Variants in CNTN4 observed in about 807,000 individuals in gnomAD.
The protein encoded by CNTN4 is contactin 4.
Under a neutral mutation model 122.5 loss-of-function variants are expected in CNTN4, and 77 were observed. That is an observed-to-expected ratio of 0.63 (90% CI 0.52 to 0.76). The LOEUF is 0.76. CNTN4 is among the 30% of genes least tolerant of loss of function. The pLI, the probability that CNTN4 is intolerant of heterozygous loss-of-function variation, is 0.00. For synonymous variants in CNTN4, 512 were observed against 447.0 expected (o/e 1.15, Z -1.83); for missense variants, 1,256 against 1,259.1 (o/e 1.00, Z 0.04).
At chr3:2,969,672 T>C (rs433520) in intron 13 of CNTN4, among the ~76,000 whole-genome samples, 10,706 of 152,134 alleles carry the variant, frequency 0.07, 1,302 homozygotes, top group African/African-American at 0.25. Flanking sequence ...GCCTTTTATA[T>C]AGCAAGTACT....
At chr3:2,481,037 C>CT (rs1553662983) in intron 3 of CNTN4, among the ~76,000 whole-genome samples, 1 of 133,860 alleles carries the variant, frequency 7.5e-6, no homozygotes, top group Admixed American at 7.3e-5. Context: ...TTTTTCTTTT[C>CT]TTTCTTTCTT....
chr3:2,865,704 C>T (rs2093716705), intron 7 of CNTN4, among the ~76,000 whole-genome samples: 1 of 152,170 alleles, frequency 6.6e-6, no homozygotes, highest in South Asian at 2.1e-4. Context: ...CGTGGAATGC[C>T]TGGAGCTGAA....
chr3:2,111,653 T>C (rs1296896589), intron 2 of CNTN4, among the ~76,000 whole-genome samples: 2 of 152,144 alleles, frequency 1.3e-5, no homozygotes, highest in Non-Finnish European at 2.9e-5. Context: ...TATACAAATA[T>C]ATATTAAAGT....
chr3:2,706,458 A>G (rs1250354163), intron 4 of CNTN4, among the ~76,000 whole-genome samples: 2 of 152,204 alleles, frequency 1.3e-5, no homozygotes, highest in South Asian at 2.1e-4. Flanking sequence ...TAGTATTATA[A>G]TTTGACTCTG....
At chr3:2,705,198 C>G (rs907492156) in intron 4 of CNTN4, among the ~76,000 whole-genome samples, 2 of 150,652 alleles carry the variant, frequency 1.3e-5, no homozygotes, top group African/African-American at 4.9e-5. Context: ...GAAACCCCGT[C>G]TCTACTAAAA....
chr3:2,680,786 A>G (rs1281089910), intron 4 of CNTN4, among the ~76,000 whole-genome samples: 2 of 152,204 alleles, frequency 1.3e-5, no homozygotes, highest in Non-Finnish European at 1.5e-5. Context: ...GTTGGATACC[A>G]GTTTTATACA....
At chr3:2,386,992 A>G (rs1044850444) in intron 3 of CNTN4, among the ~76,000 whole-genome samples, 2 of 152,196 alleles carry the variant, frequency 1.3e-5, no homozygotes, top group South Asian at 4.1e-4. Context: ...TACTTCAGGA[A>G]GACTACCTAA....
intron 4 of CNTN4, among the ~76,000 whole-genome samples, chr3:2,574,005 T>C (rs2079544159): frequency 6.6e-6 from 1 of 151,962 alleles, no homozygotes; most frequent in Non-Finnish European, 1.5e-5. Flanking sequence ...TAACCTGAGG[T>C]CAGGAGTTAG....
chr3:2,343,799 A>G (rs963690917), intron 3 of CNTN4, among the ~76,000 whole-genome samples: 2 of 152,142 alleles, frequency 1.3e-5, no homozygotes, highest in South Asian at 4.1e-4. Flanking sequence ...GCTGAAAAGG[A>G]ATACTTGAGG....
In CNTN4 at chr3:2,269,902, GTTTGTTTGTTTGTTTATTTATTTA is replaced by G. The variant is rs1214281028; in HGVS notation, c.-144-69272_-144-69249del. Among the ~76,000 whole-genome samples the G allele has an allele frequency of 4.8e-5, 3 of 62,552 alleles. 1 individual carries two copies. Among genetic ancestry groups the G allele is most frequent in the Non-Finnish European group, 1.1e-4 (3 of 28,038 alleles). 41.0% of individuals were successfully genotyped at this position (62,552 alleles called of 152,430 possible). ...GCCCATCCCCTATTATAGCCAGTTT[GTTTGTTTGTTTGTTTATTTATTTA>G]TTTATTTATTTATTTATTTATTTAT... is the stretch of plus-strand genomic sequence containing the variant. On this transcript the variant is annotated intron_variant, in intron 2 of 24. Coordinates refer to ENST00000418658, the MANE Select transcript of CNTN4 (RefSeq NM_175607.3).
chr3:2,982,525 G>T (rs1053482906), intron 13 of CNTN4, among the ~76,000 whole-genome samples: 2 of 152,054 alleles, frequency 1.3e-5, no homozygotes, highest in Admixed American at 1.3e-4. Context: ...TCTTTGGATG[G>T]CTTCCTTAAG....
Position 3,053,895 on chromosome 3 carries a change from A to T in CNTN4, c.2900A>T (p.Asp967Val). The change falls in exon 24 of 25, where the codon GAT becomes GTT. Residue 967 changes from aspartate to valine, a missense_variant. Asp to Val is a radical substitution (Grantham distance 152). Coordinates refer to ENST00000418658, the MANE Select transcript of CNTN4 (RefSeq NM_175607.3). The stretch of plus-strand genomic sequence containing the variant: ...GAGCTTTCTTTGCCTTTCGATGAAG[A>T]TTATATAATAGAAATTAAGCCATTC... The part of the protein sequence containing the change: ...SVELSLPFDE[D>V]YIIEIKPFSD... 6.2e-7 allele frequency: 1 copy of T among 1,614,164 alleles called. No homozygotes were observed.
intron 2 of CNTN4, among the ~76,000 whole-genome samples, chr3:2,146,792 G>A (rs545806378): frequency 3.1e-4 from 47 of 152,272 alleles, no homozygotes; most frequent in Non-Finnish European, 5.9e-4. Context: ...TCTCAGGGGA[G>A]TTGTAAAGCC....
intron 3 of CNTN4, among the ~76,000 whole-genome samples, chr3:2,355,656 T>A (rs1682518342): frequency 6.6e-6 from 1 of 152,176 alleles, no homozygotes; most frequent in South Asian, 2.1e-4. Context: ...TTCTTCTTTC[T>A]ACCTTAGTAT....
chr3:2,576,187 T>C (rs958890451), intron 4 of CNTN4, among the ~76,000 whole-genome samples: 8 of 152,196 alleles, frequency 5.3e-5, no homozygotes, highest in African/African-American at 1.7e-4. Context: ...TAAGGTTTAT[T>C]TGGGTAGATA....
intron 2 of CNTN4, among the ~76,000 whole-genome samples, chr3:2,336,342 A>T (rs1252722220): frequency 6.6e-6 from 1 of 152,138 alleles, no homozygotes; most frequent in Non-Finnish European, 1.5e-5. Flanking sequence ...AAAAAAATTA[A>T]TGTCAATGTA....
chr3:2,735,996 C>G (rs746322571), intron 4 of CNTN4: 1 of 664,676 alleles, frequency 1.5e-6, no homozygotes, highest in African/African-American at 1.8e-5. Flanking sequence ...AAATTAGTGA[C>G]CAATGTGAAA....
At chr3:2,115,518 C>A (rs2033289131) in intron 2 of CNTN4, among the ~76,000 whole-genome samples, 1 of 152,238 alleles carries the variant, frequency 6.6e-6, no homozygotes, top group Non-Finnish European at 1.5e-5. Flanking sequence ...CACAAGTTAG[C>A]TTTTCAGGGT....
chr3:2,292,776 A>G (rs1377163753), intron 2 of CNTN4, among the ~76,000 whole-genome samples: 1 of 152,212 alleles, frequency 6.6e-6, no homozygotes, highest in African/African-American at 2.4e-5. Context: ...AGTATTCTAC[A>G]GATGAATATA....
Sources: gnomAD v4.1 joint callset for allele counts (sites outside exome capture counted in the v4.1 genomes callset) on GRCh38, gnomAD v4.1.1 for gene constraint, MANE v1.5 for transcripts, NCBI Gene and HGNC (gene_info 2026-07-23, HGNC 2026-07-21) for gene names.